RAI14: variants seen among roughly 807,000 people sequenced by gnomAD.
The protein encoded by RAI14 is retinoic acid induced 14.
A neutral mutation model predicts 115.4 loss-of-function variants in RAI14; 45 were observed. That is an observed-to-expected ratio of 0.39 (90% CI 0.31 to 0.50). RAI14 has a LOEUF of 0.50. Ranked by LOEUF, RAI14 falls within the 20% of genes least tolerant of loss-of-function variation. The pLI, the probability that RAI14 is intolerant of heterozygous loss-of-function variation, is 0.85. For synonymous variants in RAI14, 371 were observed against 415.4 expected (o/e 0.89, Z 1.30); for missense variants, 939 against 1,131.2 (o/e 0.83, Z 2.44).
intron 2 of RAI14, among the ~76,000 whole-genome samples, chr5:34,736,661 C>T (rs1312449150): frequency 1.3e-5 from 2 of 152,034 alleles, no homozygotes; most frequent in Non-Finnish European, 2.9e-5. Context: ...CCTTAGCCTC[C>T]CAAAGTGCTA....
At chr5:34,715,051 T>G (rs189962934) in intron 2 of RAI14, among the ~76,000 whole-genome samples, 1 of 152,118 alleles carries the variant, frequency 6.6e-6, no homozygotes, top group East Asian at 1.9e-4. Context: ...CAGAAAATTG[T>G]AGAAGTATGG....
At chr5:34,746,683 G>A (rs1746270677) in intron 2 of RAI14, among the ~76,000 whole-genome samples, 1 of 152,114 alleles carries the variant, frequency 6.6e-6, no homozygotes, top group Admixed American at 6.5e-5. Context: ...TACCTTTCAT[G>A]CTATCTCTGT....
At chr5:34,759,218 G>A (rs918825828) in intron 3 of RAI14, among the ~76,000 whole-genome samples, 1 of 152,010 alleles carries the variant, frequency 6.6e-6, no homozygotes, top group African/African-American at 2.4e-5. Flanking sequence ...AGCTGAGACT[G>A]CGCCACTGCA....
At chr5:34,712,380 T>C (rs550822965) in intron 2 of RAI14, among the ~76,000 whole-genome samples, 1 of 152,260 alleles carries the variant, frequency 6.6e-6, no homozygotes, top group Admixed American at 6.5e-5. Flanking sequence ...CAAGTCTCAA[T>C]GGGAGGAACA....
intron 2 of RAI14, among the ~76,000 whole-genome samples, chr5:34,729,913 T>C (rs886565087): frequency 1.3e-5 from 2 of 152,222 alleles, no homozygotes; most frequent in Non-Finnish European, 2.9e-5. Context: ...AAGGCACTAG[T>C]ATAATTTTTT....
chr5:34,716,456 A>G (rs372773752), intron 2 of RAI14, among the ~76,000 whole-genome samples: 1 of 151,656 alleles, frequency 6.6e-6, no homozygotes, highest in African/African-American at 2.4e-5. Context: ...TTTGTTGCCC[A>G]GGCTGGAGTG....
chr5:34,726,298 A>G (rs1388356387), intron 2 of RAI14, among the ~76,000 whole-genome samples: 1 of 152,228 alleles, frequency 6.6e-6, no homozygotes, highest in East Asian at 1.9e-4. Flanking sequence ...TCATAGTTCC[A>G]AAAGCTGTAC....
chr5:34,719,562 C>T (rs1236036420), intron 2 of RAI14, among the ~76,000 whole-genome samples: 1 of 152,202 alleles, frequency 6.6e-6, no homozygotes, highest in Admixed American at 6.5e-5. Flanking sequence ...TAGAAAGGGA[C>T]TCCTTGAATG....
chr5:34,759,038 G>A (rs1748263506), intron 3 of RAI14, among the ~76,000 whole-genome samples: 1 of 152,114 alleles, frequency 6.6e-6, no homozygotes, highest in Admixed American at 6.6e-5. Flanking sequence ...GAGGCGGGTG[G>A]AATCACTTGA....
chr5:34,678,736 C>G (rs1744178289), intron 1 of RAI14, among the ~76,000 whole-genome samples: 2 of 152,164 alleles, frequency 1.3e-5, no homozygotes, highest in African/African-American at 4.8e-5. Flanking sequence ...TTGGAGATCT[C>G]CCTCTTCTCA....
chr5:34,667,473 C>G (rs1743307206), intron 1 of RAI14: 1 of 152,186 alleles, frequency 6.6e-6, no homozygotes. Flanking sequence ...TGAGCTCAAG[C>G]AATCCGCCTG....
intron 2 of RAI14, among the ~76,000 whole-genome samples, chr5:34,726,353 G>T (rs1386263355): frequency 2.0e-5 from 3 of 152,210 alleles, no homozygotes; most frequent in Non-Finnish European, 2.9e-5. Context: ...TGGTGGAAGG[G>T]TGAAGGGGAA....
chr5:34,813,720 C>T lies in RAI14; in HGVS notation c.852+60C>T. On this transcript the variant is annotated intron_variant, in intron 11 of 17. Transcript: ENST00000265109. ...CACCACAAGAAAGCCATAAATTTGT[C>T]ATTTTGTTTAGGCCAAAAAGGAATG... 2.8e-6 allele frequency: 4 copies of T among 1,407,894 alleles called. No individual in the cohort carries two copies. In the East Asian group the frequency reaches 9.3e-5, roughly 33 times the overall value. 87.2% of individuals were successfully genotyped at this position (1,407,894 alleles called of 1,614,324 possible). A position where few individuals can be genotyped will look rare whatever the true frequency, so the allele number is the denominator to read the frequency against.
chr5:34,663,509 C>A (rs1382310103), intron 1 of RAI14, among the ~76,000 whole-genome samples: 1 of 151,874 alleles, frequency 6.6e-6, no homozygotes, highest in Non-Finnish European at 1.5e-5. Flanking sequence ...AGAGTGAGAC[C>A]CTGTCTAAAA....
chr5:34,762,928 C>CGTGTGTGT, intron 3 of RAI14, among the ~76,000 whole-genome samples: 2 of 98,924 alleles, frequency 2.0e-5, no homozygotes, highest in African/African-American at 7.6e-5. Flanking sequence ...GGAGTGTGTG[C>CGTGTGTGT]ATGTGTGTGT....
intron 1 of RAI14, among the ~76,000 whole-genome samples, chr5:34,675,812 T>C (rs1743942774): frequency 6.6e-6 from 1 of 152,136 alleles, no homozygotes; most frequent in Non-Finnish European, 1.5e-5. Flanking sequence ...TCTGTCTGAC[T>C]TTCACTTAAC....
At chr5:34,727,836 A>G (rs2150013142) in intron 2 of RAI14, among the ~76,000 whole-genome samples, 1 of 152,288 alleles carries the variant, frequency 6.6e-6, no homozygotes, top group Admixed American at 6.5e-5. Flanking sequence ...GCTCTCATGG[A>G]GAACCTCTGC....
chr5:34,799,138 G>T (rs1473103524), intron 4 of RAI14, among the ~76,000 whole-genome samples: 1 of 152,122 alleles, frequency 6.6e-6, no homozygotes, highest in East Asian at 1.9e-4. Flanking sequence ...AGGTTAAATT[G>T]TAATGGCTTT....
Position 34,757,612 on chromosome 5 carries a change from C to G in RAI14, c.167+14C>G. On this transcript the variant is annotated intron_variant, in intron 3 of 17. Transcript: ENST00000265109. Reference sequence around the variant, plus strand: ...GGGCAAGACCGCGTAAGCTGAAACACTGGTTTGCAGATATGCTGGTTCTGG... The same window carrying G: ...GGGCAAGACCGCGTAAGCTGAAACAGTGGTTTGCAGATATGCTGGTTCTGG... 4 of 1,599,068 alleles carry G rather than the reference C, an allele frequency of 2.5e-6. No homozygotes were observed. Among genetic ancestry groups the G allele is most frequent in the Non-Finnish European group, 3.4e-6 (4 of 1,171,434 alleles).
Sources: gnomAD v4.1 joint callset for allele counts (sites outside exome capture counted in the v4.1 genomes callset) on GRCh38, gnomAD v4.1.1 for gene constraint, MANE v1.5 for transcripts, NCBI Gene and HGNC (gene_info 2026-07-23, HGNC 2026-07-21) for gene names.